GYPB: variants seen among roughly 807,000 people sequenced by gnomAD.
GYPB encodes glycophorin-B.
Under a neutral mutation model 15.3 loss-of-function variants are expected in GYPB, and 13 were observed. That is an observed-to-expected ratio of 0.85 (90% CI 0.55 to 1.35). The LOEUF (loss-of-function observed/expected upper bound fraction) is 1.35, where lower values mean the gene tolerates loss of function less well. Ranked by LOEUF, GYPB falls within the 40% of genes most tolerant of loss-of-function variation. The pLI is 0.00. For missense variants in GYPB, 131 were observed against 108.3 expected (o/e 1.21, Z -0.93); for synonymous variants, 38 against 36.9 (o/e 1.03, Z -0.11).
intron 1 of GYPB, among the ~76,000 whole-genome samples, chr4:144,009,601 C>CTTTTTTTTTTTTTTTTTTTTTTTTTTTTT (rs55807150): frequency 6.9e-5 from 4 of 57,804 alleles, no homozygotes; most frequent in Middle Eastern, 0.017. Context: ...TTTTTTCTTT[C>CTTTTTTTTTTTTTTTTTTTTTTTTTTTTT]TTTTTTTTTT....
chr4:144,009,682 C>T (rs1460745847), intron 1 of GYPB, among the ~76,000 whole-genome samples: 5 of 122,386 alleles, frequency 4.1e-5, no homozygotes, highest in South Asian at 5.5e-4. Flanking sequence ...GGCCCGATCT[C>T]CGCTCACTGC....
At chr4:144,009,334 C>A (rs530349965) in intron 1 of GYPB, among the ~76,000 whole-genome samples, 1 of 151,214 alleles carries the variant, frequency 6.6e-6, no homozygotes, top group South Asian at 2.1e-4. Context: ...CTGTTGAGAT[C>A]CCTTAGCACA....
chr4:143,997,603 A>C lies in GYPB; in HGVS notation c.207T>G (p.Cys69Trp), dbSNP rs1000300133. 5.0e-6 allele frequency: 8 copies of C among 1,594,726 alleles called. No homozygotes were observed. In the Admixed American group the frequency reaches 1.3e-4, roughly 27 times the overall value. Reference sequence around the variant, plus strand: ...TCGTTCCAATAATACCAGCCATCACACACAAAATAATGAGTATTATCACTA... The same window carrying C: ...TCGTTCCAATAATACCAGCCATCACCCACAAAATAATGAGTATTATCACTA... The part of the protein sequence containing the change: ...APVVIILIIL[C>W]VMAGIIGTIL... The change falls in exon 4 of 5, where the codon TGT (cysteine) becomes TGG (tryptophan). Residue 69 changes from cysteine (C) to tryptophan (W), a missense_variant. Coordinates refer to ENST00000502664, the MANE Select transcript of GYPB (RefSeq NM_002100.6).
At chr4:143,997,489 T>G (rs956095872) in intron 4 of GYPB, 51 bp downstream of exon 4, 26 of 982,312 alleles carry the variant, frequency 2.6e-5, no homozygotes, top group East Asian at 7.2e-5. Flanking sequence ...TAAACCCTCC[T>G]AGAGCTGTTC....
intron 1 of GYPB, among the ~76,000 whole-genome samples, chr4:144,011,045 T>C (rs1728190670): frequency 6.6e-6 from 1 of 151,602 alleles, no homozygotes; most frequent in Admixed American, 6.5e-5. Context: ...ATATGGATTA[T>C]GGTTTTGTGT....
chr4:144,017,890 T>C (rs1291776697), intron 1 of GYPB, among the ~76,000 whole-genome samples: 2 of 151,420 alleles, frequency 1.3e-5, no homozygotes, highest in African/African-American at 2.5e-5. Context: ...TTCATACTTT[T>C]CTGCTTAAAA....
At chr4:144,000,838 AGAGCTGAGCCCAGGTCT>A (rs1727583755) in intron 2 of GYPB, among the ~76,000 whole-genome samples, 1 of 151,292 alleles carries the variant, frequency 6.6e-6, no homozygotes, top group Non-Finnish European at 1.5e-5. Flanking sequence ...CAGCTGGGAT[AGAGCTGAGCCCAGGTCT>A]GAGCTGAACT....
In GYPB at chr4:144,009,289, A is replaced by C. The variant is rs564101533; in HGVS notation, c.38-8006T>G. ...AAGCTCCACAGGAATTTAGATTGCA[A>C]ATCTTTAGTCTAAAACTTAAGTTTT... On this transcript the variant is annotated intron_variant, in intron 1 of 4. Transcript: ENST00000502664. Among the ~76,000 whole-genome samples, 3 of 151,440 alleles carry C rather than the reference A, an allele frequency of 2.0e-5. No homozygotes were observed. In the East Asian group the frequency reaches 5.8e-4, roughly 29 times the overall value.
At chr4:143,995,923 A>G (rs1390192004), downstream of GYPB, among the ~76,000 whole-genome samples, 1 of 151,126 alleles carries the variant, frequency 6.6e-6, no homozygotes, top group Non-Finnish European at 1.5e-5. Flanking sequence ...TTCACATGAG[A>G]CTTCATGTTA....
downstream of GYPB, chr4:143,996,033 CT>C: frequency 1.2e-6 from 1 of 846,476 alleles, no homozygotes; most frequent in Non-Finnish European, 1.7e-6. Flanking sequence ...TTCTTCTCAT[CT>C]ATCCTACTGT....
At chr4:143,998,283 G>T (rs1727430744) in intron 3 of GYPB, among the ~76,000 whole-genome samples, 1 of 151,368 alleles carries the variant, frequency 6.6e-6, no homozygotes, top group Admixed American at 6.6e-5. Flanking sequence ...TGAAACAATT[G>T]AAATCAATTA....
At chr4:144,011,619 A>G (rs1728226029) in intron 1 of GYPB, among the ~76,000 whole-genome samples, 1 of 151,230 alleles carries the variant, frequency 6.6e-6, no homozygotes, top group Non-Finnish European at 1.5e-5. Context: ...GAGAAATTTT[A>G]AGTTTTCTCC....
chr4:144,012,358 T>A (rs572430500), intron 1 of GYPB: 14 of 151,678 alleles, frequency 9.2e-5, no homozygotes, highest in South Asian at 4.1e-4. Context: ...TTGCAAAATT[T>A]ACTTAATCTC....
At chr4:143,999,681 T>G (rs1727519208) in intron 2 of GYPB, among the ~76,000 whole-genome samples, 1 of 151,378 alleles carries the variant, frequency 6.6e-6, no homozygotes, top group South Asian at 2.1e-4. Flanking sequence ...GGATGAGAAA[T>G]AAGCAAATTG....
intron 1 of GYPB, among the ~76,000 whole-genome samples, chr4:144,010,270 C>G (rs146446414): frequency 0.013 from 2,035 of 151,104 alleles, 157 homozygotes; most frequent in African/African-American, 0.048. Flanking sequence ...TTGAGACCAG[C>G]CTGGGCAATA....
At chr4:144,003,426 C>G (rs1419989874) in intron 1 of GYPB, among the ~76,000 whole-genome samples, 1 of 151,206 alleles carries the variant, frequency 6.6e-6, no homozygotes, top group East Asian at 1.9e-4. Context: ...TCTTAACATT[C>G]CTTTGGTGGA....
At position 144,019,371 on chromosome 4, in the gene GYPB, A is replaced by G. The variant is rs3967038; in HGVS notation, c.-84T>C. On this transcript the variant is annotated 5_prime_UTR_variant, in exon 1 of 5. Transcript: ENST00000502664. ...AAGTGTCAGTGTCTGGCCTTAGCCT[A>G]CTAGCTGTTATCTTCCAGGCCCACC... The G allele has an allele frequency of 2.7e-3, 4,353 of 1,607,496 alleles. 294 individuals carry two copies. The African/African-American group carries it at 0.05, about 18-fold the overall frequency.
At chr4:144,017,563 C>T (rs2667356) in intron 1 of GYPB, among the ~76,000 whole-genome samples, 5 of 150,912 alleles carry the variant, frequency 3.3e-5, no homozygotes, top group African/African-American at 7.4e-5. Flanking sequence ...ACCTCTTTAT[C>T]AAGTGCCATT....
intron 2 of GYPB, 133 bp downstream of exon 2, chr4:144,001,052 A>G (rs1368767713): frequency 4.1e-6 from 6 of 1,455,432 alleles, no homozygotes; most frequent in Non-Finnish European, 4.7e-6. Context: ...GTGTCTACTT[A>G]GTAGGCTGTG....
Sources: gnomAD v4.1 joint callset for allele counts (sites outside exome capture counted in the v4.1 genomes callset) on GRCh38, gnomAD v4.1.1 for gene constraint, MANE v1.5 for transcripts, NCBI Gene and HGNC (gene_info 2026-07-23, HGNC 2026-07-21) for gene names.